Variants in L3MBTL4 observed in about 807,000 individuals in gnomAD.
The protein encoded by L3MBTL4 is L3MBTL histone methyl-lysine binding protein 4, also known as lethal(3)malignant brain tumor-like protein 4.
L3MBTL4 carries 70 observed loss-of-function variants against 84.5 expected under a neutral mutation model. The ratio of observed to expected loss-of-function variants is 0.83; its 90% CI spans 0.68 to 1.01. L3MBTL4 has a LOEUF of 1.01. Ranked by LOEUF, L3MBTL4 falls within the 50% of genes least tolerant of loss-of-function variation. The pLI is 0.00. For missense variants in L3MBTL4, 715 were observed against 754.8 expected (o/e 0.95, Z 0.62); for synonymous variants, 274 against 259.8 (o/e 1.05, Z -0.52).
chr18:6,067,103 T>C (rs2057426883), intron 16 of L3MBTL4, among the ~76,000 whole-genome samples: 1 of 152,220 alleles, frequency 6.6e-6, no homozygotes, highest in Non-Finnish European at 1.5e-5. Context: ...ATTATTTTGC[T>C]TAAGGAAGCC....
intron 10 of L3MBTL4, among the ~76,000 whole-genome samples, chr18:6,221,465 G>A (rs1770540008): frequency 6.7e-6 from 1 of 149,164 alleles, no homozygotes; most frequent in African/African-American, 2.6e-5. Context: ...CACACATGCT[G>A]GATGGACACT....
intron 13 of L3MBTL4, among the ~76,000 whole-genome samples, chr18:6,145,562 G>A (rs1458133361): frequency 1.3e-5 from 2 of 149,644 alleles, no homozygotes; most frequent in African/African-American, 4.9e-5. Flanking sequence ...AACAGTACTC[G>A]ATTCAACCTG....
At chr18:6,218,046 T>A (rs951475768) in intron 10 of L3MBTL4, among the ~76,000 whole-genome samples, 1 of 152,210 alleles carries the variant, frequency 6.6e-6, no homozygotes. Context: ...TTGCTTTCTA[T>A]CCTTTCCTTT....
chr18:5,969,290 A>G, intron 17 of L3MBTL4, 103 bp downstream of exon 17: 1 of 1,299,072 alleles, frequency 7.7e-7, no homozygotes, highest in Non-Finnish European at 1.1e-6. Context: ...CTAAGAGAAA[A>G]AGGGCGCTGT....
chr18:5,969,418 TGGC>T lies in L3MBTL4; in HGVS notation c.1586_1588del (p.Ser529_Gln530delinsLys). ...CTCATCCACAGTCCAACGTGCCACT[TGGC>T]TGGCCCGGATGTCAGCCACGCCTGG... is the stretch of plus-strand genomic sequence containing the variant. On this transcript the variant is annotated inframe_deletion, in exon 17 of 19. Transcript: ENST00000317931. 6.2e-7 allele frequency: 1 copy of T among 1,613,758 alleles called. No homozygotes were observed. The highest frequency in any genetic ancestry group is 8.5e-7 in the Non-Finnish European group (1 of 1,179,996).
At position 5,956,156 on chromosome 18, in the gene L3MBTL4, G is replaced by A. The variant is rs1460062632; in HGVS notation, c.*64C>T. On this transcript the variant is annotated 3_prime_UTR_variant, in exon 19 of 19. Transcript: ENST00000317931. ...ATGGGGACATTCACATCAAATTAAT[G>A]TGCTCCACTTTTATTGCTGAAAGAG... 3 of 1,365,914 alleles carry A rather than the reference G, an allele frequency of 2.2e-6. No homozygotes were observed. The East Asian group carries it at 6.9e-5, about 31-fold the overall frequency. The allele number at this position is 1,365,914 out of a possible 1,614,324, so 84.6% of individuals were successfully genotyped here.
chr18:6,048,180 G>A (rs2056701455), intron 16 of L3MBTL4, among the ~76,000 whole-genome samples: 2 of 152,086 alleles, frequency 1.3e-5, no homozygotes, highest in South Asian at 4.1e-4. Context: ...GAGTACCTAG[G>A]AGGTGAAAGA....
intron 16 of L3MBTL4, among the ~76,000 whole-genome samples, chr18:6,022,330 C>G (rs1167630844): frequency 6.6e-6 from 1 of 152,132 alleles, no homozygotes; most frequent in South Asian, 2.1e-4. Context: ...CCGTTCTGCT[C>G]AAACCTTCAC....
At chr18:6,169,206 T>C (rs751987567) in intron 13 of L3MBTL4, among the ~76,000 whole-genome samples, 3 of 152,122 alleles carry the variant, frequency 2.0e-5, no homozygotes, top group Non-Finnish European at 4.4e-5. Context: ...TGTGGAGAAA[T>C]GGGAACACTT....
chr18:6,039,460 C>A (rs959419388), intron 16 of L3MBTL4, among the ~76,000 whole-genome samples: 2 of 152,148 alleles, frequency 1.3e-5, no homozygotes, highest in Non-Finnish European at 2.9e-5. Context: ...AGAAAAGAGC[C>A]TTCACTTTTT....
intron 16 of L3MBTL4, among the ~76,000 whole-genome samples, chr18:6,051,166 C>T (rs575550955): frequency 6.6e-6 from 1 of 152,298 alleles, no homozygotes; most frequent in South Asian, 2.1e-4. Context: ...CAGAAGGATC[C>T]TGACTAAAAT....
intron 13 of L3MBTL4, among the ~76,000 whole-genome samples, chr18:6,149,942 T>G (rs2042819021): frequency 6.6e-6 from 1 of 152,266 alleles, no homozygotes; most frequent in East Asian, 1.9e-4. Context: ...ACTGGGATGA[T>G]AACGTGTATA....
chr18:6,135,698 C>T (rs2060009261), intron 14 of L3MBTL4, among the ~76,000 whole-genome samples: 1 of 152,172 alleles, frequency 6.6e-6, no homozygotes, highest in Admixed American at 6.5e-5. Context: ...CCTTATTGTT[C>T]ATATCACTAT....
chr18:6,397,360 T>C (rs568604665), intron 1 of L3MBTL4: 3 of 152,374 alleles, frequency 2.0e-5, no homozygotes, highest in Admixed American at 1.3e-4. Flanking sequence ...TGTTAACTGT[T>C]GTCCTTTTTT....
At chr18:6,346,651 T>A (rs1350059311) in intron 1 of L3MBTL4, among the ~76,000 whole-genome samples, 1 of 152,030 alleles carries the variant, frequency 6.6e-6, no homozygotes, top group East Asian at 1.9e-4. Flanking sequence ...GAGATATCAC[T>A]TCACACTGTC....
chr18:6,050,678 G>A (rs1197619858), intron 16 of L3MBTL4, among the ~76,000 whole-genome samples: 1 of 150,062 alleles, frequency 6.7e-6, no homozygotes, highest in African/African-American at 2.5e-5. Flanking sequence ...CTGCTGCTGT[G>A]AAGTGTATGA....
intron 7 of L3MBTL4, among the ~76,000 whole-genome samples, chr18:6,242,136 C>T (rs892810992): frequency 6.6e-6 from 1 of 152,188 alleles, no homozygotes; most frequent in Non-Finnish European, 1.5e-5. Flanking sequence ...CCCTGCACAG[C>T]CTTCCAGGCC....
Position 5,977,326 on chromosome 18 carries a change from G to A in L3MBTL4, c.1445-7764C>T, listed in dbSNP as rs189220096. 1.5e-3 allele frequency among the ~76,000 whole-genome samples: 229 copies of A among 152,314 alleles called. 4 individuals are homozygous for A. The highest frequency in any genetic ancestry group is 6.8e-3 in the Middle Eastern group (2 of 294). Reference sequence around the variant, plus strand: ...GTGGCTACCCAAACTAGGCCCCAGAGTCTTCCACTCACCTCTGCACATCTC... The same window carrying A: ...GTGGCTACCCAAACTAGGCCCCAGAATCTTCCACTCACCTCTGCACATCTC... On this transcript the variant is annotated intron_variant, in intron 16 of 18. Transcript: ENST00000317931.
At chr18:6,304,810 A>G (rs895943029) in intron 3 of L3MBTL4, among the ~76,000 whole-genome samples, 2 of 152,230 alleles carry the variant, frequency 1.3e-5, no homozygotes, top group African/African-American at 4.8e-5. Flanking sequence ...TGCAAAACCT[A>G]AAACAGTAAA....
Sources: gnomAD v4.1 joint callset for allele counts (sites outside exome capture counted in the v4.1 genomes callset) on GRCh38, gnomAD v4.1.1 for gene constraint, MANE v1.5 for transcripts, NCBI Gene and HGNC (gene_info 2026-07-23, HGNC 2026-07-21) for gene names.